HIP1: variants seen among roughly 807,000 people sequenced by gnomAD.
HIP1 encodes huntingtin-interacting protein 1.
A neutral mutation model predicts 147.6 loss-of-function variants in HIP1; 65 were observed. The ratio of observed to expected loss-of-function variants is 0.44; its 90% CI spans 0.36 to 0.54. The LOEUF is 0.54. Ranked by LOEUF, HIP1 falls within the 20% of genes least tolerant of loss-of-function variation. HIP1 has a pLI of 0.00. For missense variants in HIP1, 1,061 were observed against 1,299.6 expected (o/e 0.82, Z 2.82); for synonymous variants, 479 against 504.0 (o/e 0.95, Z 0.67).
At chr7:75,559,703 G>GGCGGGC in intron 14 of HIP1, 29 bp downstream of exon 14, 1 of 1,195,144 alleles carries the variant, frequency 8.4e-7, no homozygotes. Flanking sequence ...TGCCCCCGGG[G>GGCGGGC]CCCGCCCCCG....
intron 1 of HIP1, among the ~76,000 whole-genome samples, chr7:75,710,590 C>G (rs1801140115): frequency 6.6e-6 from 1 of 152,016 alleles, no homozygotes; most frequent in African/African-American, 2.4e-5. Flanking sequence ...GGTGTTAGTT[C>G]TAAACGATCT....
At chr7:75,634,335 T>C (rs1308129482) in intron 1 of HIP1, among the ~76,000 whole-genome samples, 1 of 152,068 alleles carries the variant, frequency 6.6e-6, no homozygotes, top group African/African-American at 2.4e-5. Context: ...CTCATCCTTC[T>C]TTCCTAAGTC....
At chr7:75,582,358 AAAG>A (rs1796088728) in intron 5 of HIP1, among the ~76,000 whole-genome samples, 1 of 152,136 alleles carries the variant, frequency 6.6e-6, no homozygotes, top group Non-Finnish European at 1.5e-5. Context: ...AACAAACAAA[AAAG>A]AAAAAAAGAA....
intron 1 of HIP1, among the ~76,000 whole-genome samples, chr7:75,629,343 C>T (rs1055047803): frequency 1.3e-5 from 2 of 152,162 alleles, no homozygotes; most frequent in Non-Finnish European, 2.9e-5. Flanking sequence ...CAGGCCCTCA[C>T]ACCTGTGCCC....
chr7:75,666,967 A>C (rs550448678), intron 1 of HIP1, among the ~76,000 whole-genome samples: 14 of 152,276 alleles, frequency 9.2e-5, no homozygotes, highest in African/African-American at 3.1e-4. Flanking sequence ...CAGTTTTACG[A>C]AAAGGGTTAT....
intron 1 of HIP1, among the ~76,000 whole-genome samples, chr7:75,616,335 T>A (rs1353266551): frequency 6.6e-6 from 1 of 151,902 alleles, no homozygotes; most frequent in Non-Finnish European, 1.5e-5. Context: ...AGTGGTACGA[T>A]CATAGCTCAC....
intron 1 of HIP1, among the ~76,000 whole-genome samples, chr7:75,701,812 C>T (rs1554519196): frequency 1.3e-5 from 2 of 152,142 alleles, no homozygotes; most frequent in Non-Finnish European, 2.9e-5. Flanking sequence ...ATGATCACAC[C>T]ACTGCACTCC....
At chr7:75,650,715 C>A (rs782702089) in intron 1 of HIP1, among the ~76,000 whole-genome samples, 6 of 152,086 alleles carry the variant, frequency 3.9e-5, no homozygotes, top group South Asian at 2.1e-4. Flanking sequence ...CAGGCGTGAG[C>A]CACCATACCC....
At chr7:75,546,793 C>T (rs2116757877) in intron 25 of HIP1, 146 bp downstream of exon 25, 1 of 614,268 alleles carries the variant, frequency 1.6e-6, no homozygotes, top group African/African-American at 1.8e-5. Flanking sequence ...GACTTCTCCC[C>T]AGGGCCTCTG....
intron 14 of HIP1, 89 bp from the exon 15 acceptor site, chr7:75,558,344 C>G: frequency 9.9e-7 from 1 of 1,013,598 alleles, no homozygotes; most frequent in Admixed American, 1.7e-5. Flanking sequence ...GAAGGTCCTC[C>G]TTGTTTTGTT....
At chr7:75,712,531 G>A (rs892887522) in intron 1 of HIP1, among the ~76,000 whole-genome samples, 4 of 152,128 alleles carry the variant, frequency 2.6e-5, no homozygotes, top group Non-Finnish European at 2.9e-5. Flanking sequence ...TTGACGAGGG[G>A]CAACTCTTTG....
At chr7:75,614,591 G>A (rs1554505607) in intron 1 of HIP1, among the ~76,000 whole-genome samples, 2 of 152,114 alleles carry the variant, frequency 1.3e-5, no homozygotes, top group Non-Finnish European at 2.9e-5. Context: ...TTGCTTAATG[G>A]GAACAGGGTT....
At chr7:75,668,636 A>G (rs1799630840) in intron 1 of HIP1, among the ~76,000 whole-genome samples, 2 of 152,140 alleles carry the variant, frequency 1.3e-5, no homozygotes, top group South Asian at 4.1e-4. Flanking sequence ...GGACTTCCCA[A>G]CTTTTCAAGC....
At chr7:75,681,507 T>G (rs954583302) in intron 1 of HIP1, among the ~76,000 whole-genome samples, 11 of 112,834 alleles carry the variant, frequency 9.7e-5, no homozygotes, top group African/African-American at 3.3e-4. Flanking sequence ...CTTTTTTTTT[T>G]TTTTTTTTTT....
intron 1 of HIP1, among the ~76,000 whole-genome samples, chr7:75,706,623 A>ATTTTTT (rs71082342): frequency 1.9e-5 from 2 of 103,618 alleles, no homozygotes; most frequent in Non-Finnish European, 1.9e-5. Flanking sequence ...TCAACTCGTC[A>ATTTTTT]TTTTTTTTTT....
intron 1 of HIP1, among the ~76,000 whole-genome samples, chr7:75,682,883 C>T (rs2525456): frequency 0.57 from 85,914 of 151,962 alleles, 24,985 homozygotes; most frequent in African/African-American, 0.69. Context: ...CTCTGCTGGT[C>T]AGCAAGGACA....
chr7:75,635,250 C>T (rs960617000), intron 1 of HIP1, among the ~76,000 whole-genome samples: 24 of 152,162 alleles, frequency 1.6e-4, no homozygotes, highest in African/African-American at 4.6e-4. Flanking sequence ...TGTCTCCAGT[C>T]GTGTGTACCC....
At chr7:75,660,876 A>G (rs1213843084) in intron 1 of HIP1, among the ~76,000 whole-genome samples, 1 of 152,126 alleles carries the variant, frequency 6.6e-6, no homozygotes, top group Non-Finnish European at 1.5e-5. Flanking sequence ...GTTTATTATT[A>G]TAGATAATGG....
At chr7:75,626,890 C>CAT (rs782070140) in intron 1 of HIP1, 1 of 114,966 alleles carries the variant, frequency 8.7e-6, no homozygotes, top group Non-Finnish European at 1.7e-5. Flanking sequence ...CACACAAACA[C>CAT]ACACACACAC....
Sources: allele counts gnomAD v4.1 joint callset (sites outside exome capture counted in the v4.1 genomes callset), GRCh38; gene constraint gnomAD v4.1.1; transcripts MANE v1.5; gene names NCBI Gene and HGNC (gene_info 2026-07-23, HGNC 2026-07-21).